The following FEZ1 variants were observed in gnomAD, a reference collection of about 807,000 sequenced individuals.
FEZ1 encodes fasciculation and elongation protein zeta-1.
Under a neutral mutation model 49.3 loss-of-function variants are expected in FEZ1, and 20 were observed. The observed-to-expected ratio is 0.41, with a 90% confidence interval of 0.29 to 0.59. The LOEUF is 0.59. Among genes scored for constraint, FEZ1 ranks in the 20% least tolerant of loss-of-function variants. FEZ1 has a pLI of 0.36. For missense variants in FEZ1, 413 were observed against 476.0 expected (o/e 0.87, Z 1.23); for synonymous variants, 170 against 180.9 (o/e 0.94, Z 0.48).
At chr11:125,469,485 C>A (rs1957164516) in intron 3 of FEZ1, among the ~76,000 whole-genome samples, 1 of 152,182 alleles carries the variant, frequency 6.6e-6, no homozygotes, top group Non-Finnish European at 1.5e-5. Context: ...GTCTCAAACT[C>A]CTGAGCACAA....
At position 125,495,432 on chromosome 11, in the gene FEZ1, G is replaced by A. The variant is rs976616560; in HGVS notation, c.-46+689C>T. 7 of 470,356 alleles carry A rather than the reference G, an allele frequency of 1.5e-5. No homozygotes were observed. The highest frequency in any genetic ancestry group is 1.2e-4 in the African/African-American group (6 of 50,068). 29.1% of individuals were successfully genotyped at this position (470,356 alleles called of 1,614,324 possible). A position where few individuals can be genotyped will look rare whatever the true frequency, so the allele number is the denominator to read the frequency against. ...ACTGCTCCCCGCATTCCAGAGCCCG[G>A]GGCCCACCCGACGGCAGCGCGCCCC... On this transcript the variant is annotated intron_variant, in intron 1 of 9. Transcript: ENST00000278919. The surrounding 1 kb of genome is among the most constrained non-coding windows in gnomAD (Gnocchi z 4.2).
Position 125,495,776 on chromosome 11 carries a change from A to T in FEZ1, c.-46+345T>A, listed in dbSNP as rs552529675. ...CGCCGCCCTGCCTTCACACGCGCGC[A>T]CACACGCGGGCACACACACGCGGAC... On this transcript the variant is annotated intron_variant, in intron 1 of 9. Transcript: ENST00000278919. The surrounding 1 kb of genome is among the most constrained non-coding windows in gnomAD (Gnocchi z 4.2). 1.4e-4 allele frequency: 48 copies of T among 354,836 alleles called. 2 individuals are homozygous for T. Among genetic ancestry groups the T allele is most frequent in the South Asian group, 9.9e-4 (48 of 48,394 alleles). 22.0% of individuals were successfully genotyped at this position (354,836 alleles called of 1,614,324 possible).
intron 8 of FEZ1, among the ~76,000 whole-genome samples, chr11:125,451,116 C>G (rs1956950736): frequency 6.6e-6 from 1 of 151,998 alleles, no homozygotes; most frequent in Admixed American, 6.5e-5. Context: ...ATATATCAAC[C>G]TTCATAATTT....
In FEZ1 at chr11:125,495,418, C is replaced by A. The variant is rs1957450768; in HGVS notation, c.-46+703G>T. ...CGACGCCGTCAAACACTGCTCCCCG[C>A]ATTCCAGAGCCCGGGGCCCACCCGA... On this transcript the variant is annotated intron_variant, in intron 1 of 9. Coordinates refer to ENST00000278919, the MANE Select transcript of FEZ1 (RefSeq NM_005103.5). This position sits in a 1 kb window ranked among gnomAD's most constrained non-coding sequence, Gnocchi z 4.2. 2.1e-6 allele frequency: 1 copy of A among 470,808 alleles called. No homozygotes were observed. Among genetic ancestry groups the A allele is most frequent in the African/African-American group, 2.0e-5 (1 of 50,094 alleles). 29.2% of individuals were successfully genotyped at this position (470,808 alleles called of 1,614,324 possible).
intron 6 of FEZ1, 45 bp from the exon 7 acceptor site, chr11:125,454,255 A>G (rs756848421): frequency 2.0e-6 from 3 of 1,466,534 alleles, no homozygotes; most frequent in East Asian, 2.3e-5. Context: ...TTCTTGCTAC[A>G]CTGTCACCAC....
chr11:125,455,133 G>T (rs546435877), intron 6 of FEZ1, among the ~76,000 whole-genome samples: 1 of 151,800 alleles, frequency 6.6e-6, no homozygotes, highest in Admixed American at 6.6e-5. Flanking sequence ...GCTCATGCCC[G>T]TAATCCCAAC....
chr11:125,485,874 AAGCGG>A (rs1957322347), intron 2 of FEZ1, among the ~76,000 whole-genome samples: 1 of 152,124 alleles, frequency 6.6e-6, no homozygotes, highest in Non-Finnish European at 1.5e-5. Context: ...TGAAACAAGG[AAGCGG>A]AGCTTGCAGC....
At chr11:125,460,217 C>T (rs748551090) in intron 5 of FEZ1, 1 of 302,264 alleles carries the variant, frequency 3.3e-6, no homozygotes, top group African/African-American at 2.2e-5. Flanking sequence ...TCATTCATTG[C>T]TTTTATATAG....
At position 125,489,726 on chromosome 11, in the gene FEZ1, A is replaced by G. The variant is rs750569959; in HGVS notation, c.52T>C (p.Ser18Pro). ...LDEEFEDLRP[S>P]CSEDPEEKPQ... ...TTCTCCTCCGGGTCCTCCGAGCAGG[A>G]GGGTCGAAGGTCCTCAAACTCTTCA... The change falls in exon 2 of 10, where the codon TCC becomes CCC. Residue 18 changes from serine (S) to proline (P), a missense_variant. Coordinates refer to ENST00000278919, the MANE Select transcript of FEZ1 (RefSeq NM_005103.5). This position sits in a 1 kb window ranked among gnomAD's most constrained non-coding sequence, Gnocchi z 4.2. 3.8e-6 allele frequency: 6 copies of G among 1,596,564 alleles called. No individual in the cohort carries two copies. The South Asian group carries it at 6.8e-5, about 18-fold the overall frequency.
At chr11:125,487,187 G>A (rs779747061) in intron 2 of FEZ1, among the ~76,000 whole-genome samples, 1 of 152,206 alleles carries the variant, frequency 6.6e-6, no homozygotes, top group Non-Finnish European at 1.5e-5. Context: ...TAATGAGGCA[G>A]AGGAGGGGTT....
rs1412544393 is a variant in FEZ1, at chr11:125,495,658, G to T, written c.-46+463C>A. The T allele has an allele frequency of 1.2e-5, 5 of 410,974 alleles. No homozygotes were observed. The highest frequency in any genetic ancestry group is 2.1e-5 in the African/African-American group (1 of 48,520). The allele number at this position is 410,974 out of a possible 1,614,324, so 25.5% of individuals were successfully genotyped here. A position where few individuals can be genotyped will look rare whatever the true frequency, so the allele number is the denominator to read the frequency against. On this transcript the variant is annotated intron_variant, in intron 1 of 9. Coordinates refer to ENST00000278919, the MANE Select transcript of FEZ1 (RefSeq NM_005103.5). The surrounding 1 kb of genome is among the most constrained non-coding windows in gnomAD (Gnocchi z 4.2). ...AAGATGATCTTGGGGCGTTTACGGT[G>T]ACTGGACCAGATAACGGTCCCGGGA... is the stretch of plus-strand genomic sequence containing the variant.
At chr11:125,493,452 A>G (rs1043580324) in intron 1 of FEZ1, among the ~76,000 whole-genome samples, 2 of 57,344 alleles carry the variant, frequency 3.5e-5, no homozygotes, top group African/African-American at 2.7e-4. Context: ...GAAAGAAGGA[A>G]AGAAGGAAAG....
At chr11:125,482,756 G>A (rs976984623) in intron 2 of FEZ1, among the ~76,000 whole-genome samples, 2 of 151,990 alleles carry the variant, frequency 1.3e-5, no homozygotes, top group African/African-American at 4.8e-5. Context: ...TTGACTCCAG[G>A]AGTTCAAGAT....
At chr11:125,463,005 G>GAA (rs112179481) in intron 4 of FEZ1, among the ~76,000 whole-genome samples, 1 of 106,254 alleles carries the variant, frequency 9.4e-6, no homozygotes, top group Non-Finnish European at 1.9e-5. Flanking sequence ...GTCTCAAAAT[G>GAA]AAAAAAAAAA....
chr11:125,494,020 C>CGGT, intron 1 of FEZ1, among the ~76,000 whole-genome samples: 1 of 152,208 alleles, frequency 6.6e-6, no homozygotes, highest in Non-Finnish European at 1.5e-5. Flanking sequence ...TTATAAAAGA[C>CGGT]GAAATGAATA....
At chr11:125,470,845 T>G (rs1056783531) in intron 3 of FEZ1, among the ~76,000 whole-genome samples, 17 of 152,222 alleles carry the variant, frequency 1.1e-4, no homozygotes, top group Non-Finnish European at 2.1e-4. Flanking sequence ...TTTCCTTCTT[T>G]TGATTTTCTT....
At chr11:125,481,926 G>C (rs902019682) in intron 2 of FEZ1, among the ~76,000 whole-genome samples, 57 of 152,158 alleles carry the variant, frequency 3.7e-4, no homozygotes, top group Non-Finnish European at 7.3e-4. Flanking sequence ...ACTGCCTCTG[G>C]CTCTGAAAAT....
chr11:125,468,861 A>G (rs1183281731), intron 3 of FEZ1, among the ~76,000 whole-genome samples: 4 of 152,078 alleles, frequency 2.6e-5, no homozygotes, highest in Non-Finnish European at 5.9e-5. Context: ...GAATAATGAG[A>G]CCCAAGTGTC....
rs573726456 is a variant in FEZ1, at chr11:125,454,304, C to T, written c.940-94G>A. On this transcript the variant is annotated intron_variant, in intron 6 of 9. Coordinates refer to ENST00000278919, the MANE Select transcript of FEZ1 (RefSeq NM_005103.5). ...TCAGCTACCAGGCTGTCCCAGATAACGCCCCAGGGTTCTGTGACTAGACAG... is the reference window on the plus strand; with the variant it reads ...TCAGCTACCAGGCTGTCCCAGATAATGCCCCAGGGTTCTGTGACTAGACAG... The T allele has an allele frequency of 2.0e-4, 175 of 869,700 alleles. No homozygotes were observed. In the African/African-American group the frequency reaches 2.2e-3, roughly 11 times the overall value. 53.9% of individuals were successfully genotyped at this position (869,700 alleles called of 1,614,324 possible).
Sources: allele counts gnomAD v4.1 joint callset (sites outside exome capture counted in the v4.1 genomes callset), GRCh38; gene constraint gnomAD v4.1.1; non-coding constraint Gnocchi (gnomAD v3.1); transcripts MANE v1.5; gene names NCBI Gene and HGNC (gene_info 2026-07-23, HGNC 2026-07-21).